Variants in PLCH1 observed in about 807,000 individuals in gnomAD.
PLCH1 encodes 1-phosphatidylinositol 4,5-bisphosphate phosphodiesterase eta-1.
PLCH1 carries 60 observed loss-of-function variants against 126.7 expected under a neutral mutation model. The ratio of observed to expected loss-of-function variants is 0.47; its 90% confidence interval spans 0.38 to 0.59. The LOEUF (loss-of-function observed/expected upper bound fraction) is 0.59, where lower values mean the gene tolerates loss of function less well. Ranked by LOEUF, PLCH1 falls within the 20% of genes least tolerant of loss-of-function variation. The pLI, the probability that PLCH1 is intolerant of heterozygous loss-of-function variation, is 0.00. For missense variants in PLCH1, 1,723 were observed against 2,040.0 expected (o/e 0.84, Z 2.99); for synonymous variants, 719 against 734.9 (o/e 0.98, Z 0.35).
chr3:155,738,363 C>T (rs758239810), intron 1 of PLCH1, among the ~76,000 whole-genome samples: 2 of 152,104 alleles, frequency 1.3e-5, no homozygotes, highest in Non-Finnish European at 2.9e-5. Flanking sequence ...GCTGGACTGC[C>T]GGGAGTAGTG....
At chr3:155,586,408 G>T (rs1035504923) in intron 4 of PLCH1, among the ~76,000 whole-genome samples, 1 of 152,078 alleles carries the variant, frequency 6.6e-6, no homozygotes, top group African/African-American at 2.4e-5. Context: ...ACACATAAAG[G>T]GGGTAAGGGG....
chr3:155,551,204 G>A (rs557046154), intron 9 of PLCH1, among the ~76,000 whole-genome samples: 12 of 152,186 alleles, frequency 7.9e-5, no homozygotes, highest in African/African-American at 2.9e-4. Flanking sequence ...CAGCACTTTG[G>A]GAGGCCGAAG....
At chr3:155,569,910 A>C (rs1164148736) in intron 6 of PLCH1, among the ~76,000 whole-genome samples, 2 of 152,240 alleles carry the variant, frequency 1.3e-5, no homozygotes, top group Non-Finnish European at 2.9e-5. Flanking sequence ...AGGTGAGCAG[A>C]GAATATGTTA....
At chr3:155,655,908 T>C (rs1308078174) in intron 2 of PLCH1, among the ~76,000 whole-genome samples, 2 of 151,750 alleles carry the variant, frequency 1.3e-5, no homozygotes, top group African/African-American at 4.8e-5. Flanking sequence ...GAAAAATCAA[T>C]AAAACAGATT....
intron 2 of PLCH1, among the ~76,000 whole-genome samples, chr3:155,644,126 T>C (rs1403516522): frequency 2.0e-5 from 3 of 152,116 alleles, no homozygotes; most frequent in Non-Finnish European, 1.5e-5. Flanking sequence ...GGCAGTACCT[T>C]GTAGTGCAGA....
chr3:155,500,882 A>G (rs1484273327), intron 13 of PLCH1, 88 bp from the exon 14 acceptor site: 1 of 825,098 alleles, frequency 1.2e-6, no homozygotes, highest in Non-Finnish European at 2.0e-6. Context: ...TTTAAAATGC[A>G]CATGTGCACA....
At chr3:155,553,108 T>C (rs987888660) in intron 9 of PLCH1, among the ~76,000 whole-genome samples, 6 of 151,968 alleles carry the variant, frequency 3.9e-5, no homozygotes, top group African/African-American at 1.5e-4. Flanking sequence ...TCACTGAGGA[T>C]TTTTATTTTT....
intron 6 of PLCH1, among the ~76,000 whole-genome samples, chr3:155,571,756 T>C (rs1334208155): frequency 6.6e-6 from 1 of 152,240 alleles, no homozygotes; most frequent in Admixed American, 6.5e-5. Flanking sequence ...TTAAAAATTA[T>C]TGACTTCTTA....
intron 2 of PLCH1, among the ~76,000 whole-genome samples, chr3:155,626,495 C>A (rs1232982408): frequency 1.3e-5 from 2 of 152,166 alleles, no homozygotes; most frequent in Middle Eastern, 3.4e-3. Context: ...AGTGGCTGGG[C>A]GCTGTGGCTC....
At chr3:155,485,921 C>G in intron 21 of PLCH1, 1 of 600,540 alleles carries the variant, frequency 1.7e-6, no homozygotes, top group Non-Finnish European at 2.9e-6. Context: ...TTCAGCCTTC[C>G]ATTCTTACAT....
Position 155,592,354 on chromosome 3 carries a change from G to T in PLCH1, c.470+1587C>A, listed in dbSNP as rs1577088038. Among the ~76,000 whole-genome samples the T allele has an allele frequency of 2.0e-5, 3 of 151,390 alleles. No homozygotes were observed. The East Asian group carries it at 5.8e-4, about 29-fold the overall frequency. On this transcript the variant is annotated intron_variant, in intron 4 of 22. Coordinates refer to ENST00000460012, the MANE Select transcript of PLCH1 (RefSeq NM_014996.4). ...AAAAAAAAAAAAAAAAATTAGCGGG[G>T]CATGGTGGCAGGCACCTGTAATCCC...
At chr3:155,498,034 C>T (rs1477555937) in intron 14 of PLCH1, among the ~76,000 whole-genome samples, 1 of 152,118 alleles carries the variant, frequency 6.6e-6, no homozygotes, top group East Asian at 1.9e-4. Flanking sequence ...AAATTGTATG[C>T]CATTCTTAGT....
chr3:155,647,056 C>A (rs1740144938), intron 2 of PLCH1, among the ~76,000 whole-genome samples: 1 of 152,126 alleles, frequency 6.6e-6, no homozygotes, highest in African/African-American at 2.4e-5. Flanking sequence ...AGAACCTAGA[C>A]TTGTTGCAGC....
rs368720094 is a variant in PLCH1, at chr3:155,615,764, G to T, written c.80-19386C>A. On this transcript the variant is annotated intron_variant, in intron 2 of 22. Transcript: ENST00000460012. ...GATATAATGGACCTTGGGGACTCAG[G>T]GGGAGGGTTGGGATGGGGGTGAAGG... Among the ~76,000 whole-genome samples the T allele has an allele frequency of 5.3e-5, 8 of 152,220 alleles. No individual in the cohort carries two copies. In the East Asian group the frequency reaches 9.7e-4, roughly 18 times the overall value.
Position 155,594,021 on chromosome 3 carries a change from G to A in PLCH1, c.390C>T (p.Thr130=), listed in dbSNP as rs1361293562. 1.2e-6 allele frequency: 2 copies of A among 1,613,810 alleles called. No homozygotes were observed. The highest frequency in any genetic ancestry group is 1.1e-5 in the South Asian group (1 of 91,080). Reference sequence around the variant, plus strand: ...TCAGGTACTTGAGGCCTGTGATCCAGGTGCGGGCCTCCTCGGGGTTGGAGG... The same window carrying A: ...TCAGGTACTTGAGGCCTGTGATCCAAGTGCGGGCCTCCTCGGGGTTGGAGG... ...LITSNPEEAR[T]WITGLKYLMA... is the part of the protein sequence containing the mutation. Residue 130 remains threonine, a synonymous_variant, in exon 4 of 23, where the codon ACC becomes ACT. Coordinates refer to ENST00000460012, the MANE Select transcript of PLCH1 (RefSeq NM_014996.4).
rs149985369 is a variant in PLCH1 at position 155,714,106 on chromosome 3, T to C, written c.-40-9842A>G. Among the ~76,000 whole-genome samples, 76 of 152,302 alleles carry C rather than the reference T, an allele frequency of 5.0e-4. 2 individuals are homozygous for C. In the East Asian group the frequency reaches 0.014, roughly 28 times the overall value. The stretch of plus-strand genomic sequence containing the variant: ...GGCATAGAAAAACAGGTCTCAAAAC[T>C]ATATCCTGTACTTCGGCCTCTGACA... On this transcript the variant is annotated intron_variant, in intron 1 of 22. Transcript: ENST00000460012.
intron 2 of PLCH1, among the ~76,000 whole-genome samples, chr3:155,697,482 A>C (rs1319796630): frequency 6.6e-6 from 1 of 152,188 alleles, no homozygotes; most frequent in African/African-American, 2.4e-5. Flanking sequence ...CCCAGAAAGA[A>C]GCAGGGGAAG....
intron 2 of PLCH1, among the ~76,000 whole-genome samples, chr3:155,653,498 G>A (rs376154387): frequency 2.0e-5 from 3 of 152,132 alleles, no homozygotes; most frequent in Admixed American, 1.3e-4. Context: ...CCTTCACCCC[G>A]CATTCCCTTA....
intron 7 of PLCH1, among the ~76,000 whole-genome samples, chr3:155,565,723 T>G: frequency 6.6e-6 from 1 of 150,762 alleles, no homozygotes; most frequent in African/African-American, 2.4e-5. Context: ...TGAGATGGAG[T>G]CTTGCTTTGT....
Sources: gnomAD v4.1 joint callset for allele counts (sites outside exome capture counted in the v4.1 genomes callset) on GRCh38, gnomAD v4.1.1 for gene constraint, MANE v1.5 for transcripts, NCBI Gene and HGNC (gene_info 2026-07-23, HGNC 2026-07-21) for gene names.